Variants in FIZ1 observed in about 807,000 individuals in gnomAD.
FIZ1 encodes flt3-interacting zinc finger protein 1.
Under a neutral mutation model 5.3 loss-of-function variants are expected in FIZ1, and 2 were observed. The ratio of observed to expected loss-of-function variants is 0.37; its 90% confidence interval spans 0.15 to 1.18. The LOEUF (loss-of-function observed/expected upper bound fraction) is 1.18, where lower values mean the gene tolerates loss of function less well. FIZ1 is among the 50% of genes most tolerant of loss of function. The pLI is 0.37. For missense variants in FIZ1, 631 were observed against 749.7 expected (o/e 0.84, Z 1.85); for synonymous variants, 407 against 364.2 (o/e 1.12, Z -1.34).
At position 55,592,272 on chromosome 19, in the gene FIZ1, C is replaced by T. The variant is rs1292095723; in HGVS notation, c.*178G>A. On this transcript the variant is annotated 3_prime_UTR_variant, in exon 3 of 3. Coordinates refer to ENST00000221665, the MANE Select transcript of FIZ1 (RefSeq NM_032836.3). The surrounding 1 kb of genome is among the most constrained non-coding windows in gnomAD (Gnocchi z 6.9). ...CCTGTTTGTTTGTGGTCCCCCAGCT[C>T]CGGGGCCTTTGTGGGTTTTTGGTGG... The T allele has an allele frequency of 1.5e-6, 1 of 664,244 alleles. No individual in the cohort carries two copies. The highest frequency in any genetic ancestry group is 1.8e-5 in the African/African-American group (1 of 54,064). 41.1% of individuals were successfully genotyped at this position (664,244 alleles called of 1,614,324 possible).
chr19:55,594,524 C>T (rs1464009269), intron 2 of FIZ1, among the ~76,000 whole-genome samples: 3 of 151,466 alleles, frequency 2.0e-5, no homozygotes, highest in Admixed American at 6.6e-5. Flanking sequence ...GGTGAAACCC[C>T]GTCTCTACTA....
chr19:55,593,442 C>G lies in FIZ1; in HGVS notation c.499G>C (p.Gly167Arg). The G allele has an allele frequency of 6.5e-7, 1 of 1,537,702 alleles. No individual in the cohort carries two copies. Among genetic ancestry groups the G allele is most frequent in the Non-Finnish European group, 8.7e-7 (1 of 1,142,904 alleles). Residue 167 changes from glycine to arginine, a missense_variant, in exon 3 of 3, where the codon GGG becomes CGG. Transcript: ENST00000221665. This position sits in a 1 kb window ranked among gnomAD's most constrained non-coding sequence, Gnocchi z 6.3. ...VGPCSVCGGS[G>R]AGGGEGPEGA... is the part of the protein sequence containing the mutation. ...TCGGGGCCCTCTCCGCCGCCGGCCC[C>G]TGAGCCCCCGCACACCGAGCAGGGC...
rs747522877 is a variant in FIZ1, at chr19:55,593,425, C to T, written c.516G>A (p.Glu172=). 2 of 1,517,178 alleles carry T rather than the reference C, an allele frequency of 1.3e-6. No homozygotes were observed. Among genetic ancestry groups the T allele is most frequent in the South Asian group, 1.2e-5 (1 of 80,486 alleles). 94.0% of individuals were successfully genotyped at this position (1,517,178 alleles called of 1,614,324 possible). The change falls in exon 3 of 3, where the codon GAG becomes GAA. Residue 172 remains glutamate, a synonymous_variant. Transcript: ENST00000221665. The surrounding 1 kb of genome is among the most constrained non-coding windows in gnomAD (Gnocchi z 6.3). ...VCGGSGAGGG[E]GPEGAGAGLG... is the part of the protein sequence containing the mutation. ...GACCCGCGCCTGCCCCCTCGGGGCCCTCTCCGCCGCCGGCCCCTGAGCCCC... is the reference window on the plus strand; with the variant it reads ...GACCCGCGCCTGCCCCCTCGGGGCCTTCTCCGCCGCCGGCCCCTGAGCCCC...
At chr19:55,598,120 T>G (rs1980424155) in intron 1 of FIZ1, 3 of 582,224 alleles carry the variant, frequency 5.2e-6, no homozygotes, top group South Asian at 4.5e-5. Flanking sequence ...CACTTCATAG[T>G]CTCCTCACTC....
rs1980522886 is a variant in FIZ1, at chr19:55,599,481, T to G, written c.-44A>C. 1 of 152,222 alleles carries G rather than the reference T, an allele frequency of 6.6e-6. No individual in the cohort carries two copies. The highest frequency in any genetic ancestry group is 2.1e-4 in the South Asian group (1 of 4,854). The allele number at this position is 152,222 out of a possible 1,614,324, so 9.4% of individuals were successfully genotyped here. ...TCCTCTTTAATTACTTACACCTCCC[T>G]CTGGGCGCCGACATTTTGGGCAGCG... On this transcript the variant is annotated 5_prime_UTR_variant, in exon 1 of 3. Coordinates refer to ENST00000221665, the MANE Select transcript of FIZ1 (RefSeq NM_032836.3).
intron 1 of FIZ1, 176 bp from the exon 2 acceptor site, chr19:55,598,077 G>A (rs1409478925): frequency 2.6e-6 from 2 of 755,304 alleles, no homozygotes; most frequent in African/African-American, 3.5e-5. Context: ...CCCTTCTCTC[G>A]CGGCTCCACG....
At chr19:55,594,017 GT>G (rs1356183501) in intron 2 of FIZ1, among the ~76,000 whole-genome samples, 3 of 151,572 alleles carry the variant, frequency 2.0e-5, no homozygotes, top group Non-Finnish European at 4.4e-5. Context: ...GAGCCAAGAA[GT>G]TTGAGGCTGC....
intron 2 of FIZ1, among the ~76,000 whole-genome samples, chr19:55,596,272 C>T (rs368288176): frequency 6.6e-6 from 1 of 152,048 alleles, no homozygotes; most frequent in Non-Finnish European, 1.5e-5. Flanking sequence ...CTGAGAAAGC[C>T]GGGGCCAACA....
At position 55,592,689 on chromosome 19, in the gene FIZ1, C is replaced by T; in HGVS notation, c.1252G>A (p.Glu418Lys). The change falls in exon 3 of 3, where the codon GAG becomes AAG. Residue 418 changes from glutamate to lysine, a missense_variant. Transcript: ENST00000221665. This position sits in a 1 kb window ranked among gnomAD's most constrained non-coding sequence, Gnocchi z 6.9. The part of the protein sequence containing the change: ...GRGKKIFGCS[E>K]CEKLFRSPRD... ...GGTGAGCGGAACAGCTTCTCGCACT[C>T]GGAGCAGCCGAAGATCTTCTTGCCG... The T allele has an allele frequency of 1.2e-6, 2 of 1,613,170 alleles. No homozygotes were observed. The highest frequency in any genetic ancestry group is 1.7e-6 in the Non-Finnish European group (2 of 1,179,866).
rs1239700861 is a variant in FIZ1, at chr19:55,593,089, GTCGCCCGCCTCCGCAGCGGTGCCT to G, written c.828_851del (p.Glu276_Gly283del). 3.0e-6 allele frequency: 4 copies of G among 1,333,382 alleles called. No individual in the cohort carries two copies. The highest frequency in any genetic ancestry group is 3.8e-6 in the Non-Finnish European group (4 of 1,048,000). 82.6% of individuals were successfully genotyped at this position (1,333,382 alleles called of 1,614,324 possible). A position where few individuals can be genotyped will look rare whatever the true frequency, so the allele number is the denominator to read the frequency against. ...GCCTGCGGTCCGAAGCCAGAGGAGC[GTCGCCCGCCTCCGCAGCGGTGCCT>G]TCGCCCGCCGTCTCGGGCCCTGCGC... On this transcript the variant is annotated inframe_deletion, in exon 3 of 3. Transcript: ENST00000221665. The surrounding 1 kb of genome is among the most constrained non-coding windows in gnomAD (Gnocchi z 6.3).
At position 55,592,161 on chromosome 19, in the gene FIZ1, G is replaced by T. The variant is rs1361140616; in HGVS notation, c.*289C>A. 1 of 455,162 alleles carries T rather than the reference G, an allele frequency of 2.2e-6. No individual in the cohort carries two copies. The highest frequency in any genetic ancestry group is 3.6e-5 in the East Asian group (1 of 27,832). 28.2% of individuals were successfully genotyped at this position (455,162 alleles called of 1,614,324 possible). Reference sequence around the variant, plus strand: ...CACTGCAAAGTCCCCATGTCTTGGGGACTTACGGCTACCCACACTCATTCC... The same window carrying T: ...CACTGCAAAGTCCCCATGTCTTGGGTACTTACGGCTACCCACACTCATTCC... On this transcript the variant is annotated 3_prime_UTR_variant, in exon 3 of 3. Transcript: ENST00000221665. This position sits in a 1 kb window ranked among gnomAD's most constrained non-coding sequence, Gnocchi z 6.9.
rs1351959281 is a variant in FIZ1, at chr19:55,592,099, C to A, written c.*351G>T. Reference sequence around the variant, plus strand: ...GGGTGCCCATCTTTTAGTATTAGGGCTCTCAAGATGAGAGGTACTTGTGGA... The same window carrying A: ...GGGTGCCCATCTTTTAGTATTAGGGATCTCAAGATGAGAGGTACTTGTGGA... On this transcript the variant is annotated 3_prime_UTR_variant, in exon 3 of 3. Transcript: ENST00000221665. The surrounding 1 kb of genome is among the most constrained non-coding windows in gnomAD (Gnocchi z 6.9). The A allele has an allele frequency of 7.7e-6, 2 of 260,970 alleles. No homozygotes were observed. The highest frequency in any genetic ancestry group is 2.2e-5 in the African/African-American group (1 of 45,048). The allele number at this position is 260,970 out of a possible 1,614,324, so 16.2% of individuals were successfully genotyped here. A position where few individuals can be genotyped will look rare whatever the true frequency, so the allele number is the denominator to read the frequency against.
chr19:55,597,910 G>C lies in FIZ1; in HGVS notation c.-36-9C>G, dbSNP rs1343002905. On this transcript the variant is annotated splice_polypyrimidine_tract_variant and intron_variant, in intron 1 of 2. Coordinates refer to ENST00000221665, the MANE Select transcript of FIZ1 (RefSeq NM_032836.3). ...GTATGTGGGGGCTCTCTCTGGAGTA[G>C]TGGGGAGACAGAGGAGCAGGTGAGG... 2.6e-6 allele frequency: 4 copies of C among 1,519,214 alleles called. No individual in the cohort carries two copies. The Admixed American group carries it at 6.0e-5, about 23-fold the overall frequency. 94.1% of individuals were successfully genotyped at this position (1,519,214 alleles called of 1,614,324 possible). A position where few individuals can be genotyped will look rare whatever the true frequency, so the allele number is the denominator to read the frequency against.
chr19:55,599,141 TCCACTC>T (rs2123564623), intron 1 of FIZ1: 1 of 152,350 alleles, frequency 6.6e-6, no homozygotes, highest in South Asian at 2.0e-4. Flanking sequence ...CCCTCCCACT[TCCACTC>T]TAAGCTCCGC....
intron 2 of FIZ1, among the ~76,000 whole-genome samples, chr19:55,596,304 C>T (rs769046234): frequency 2.2e-4 from 33 of 151,926 alleles, no homozygotes; most frequent in Non-Finnish European, 3.7e-4. Context: ...AAGTCCTGAA[C>T]CAAGGCAGAT....
In FIZ1 at chr19:55,595,963, G is replaced by C. The variant is rs1011133052; in HGVS notation, c.294+1609C>G. On this transcript the variant is annotated intron_variant, in intron 2 of 2. Coordinates refer to ENST00000221665, the MANE Select transcript of FIZ1 (RefSeq NM_032836.3). ...TGTTCAGTTCACATCTCCCACATTT[G>C]ACTCGAGGCCATACAAAGGGTGGAC... Among the ~76,000 whole-genome samples the C allele has an allele frequency of 2.4e-4, 37 of 152,150 alleles. 1 individual carries two copies. The highest frequency in any genetic ancestry group is 1.5e-5 in the Non-Finnish European group (1 of 68,034).
chr19:55,592,644 C>T lies in FIZ1; in HGVS notation c.1297G>A (p.Val433Met). The change falls in exon 3 of 3, where the codon GTG becomes ATG. Residue 433 changes from valine to methionine, a missense_variant. This residue lies in a region of FIZ1 where 61 missense variants were observed against 96.9 expected (regional missense o/e 0.63). Coordinates refer to ENST00000221665, the MANE Select transcript of FIZ1 (RefSeq NM_032836.3). The surrounding 1 kb of genome is among the most constrained non-coding windows in gnomAD (Gnocchi z 6.9). ...GGCTTCTCGCCAGTGTGCACCAGCA[C>T]GTGCCGCTCCAGGTCTCGCGGTGAG... is the stretch of plus-strand genomic sequence containing the variant. Reference protein sequence around the residue: ...FRSPRDLERHVLVHTGEKPFP... With the variant: ...FRSPRDLERHMLVHTGEKPFP... 1.2e-6 allele frequency: 2 copies of T among 1,613,514 alleles called. No individual in the cohort carries two copies. Among genetic ancestry groups the T allele is most frequent in the South Asian group, 1.1e-5 (1 of 91,084 alleles).
chr19:55,597,446 C>T (rs1980380054), intron 2 of FIZ1, 126 bp downstream of exon 2: 2 of 1,433,974 alleles, frequency 1.4e-6, no homozygotes, highest in Non-Finnish European at 1.8e-6. Context: ...GGGACATTTT[C>T]TAATGGGAGG....
At chr19:55,598,641 T>C (rs1980455714) in intron 1 of FIZ1, 1 of 152,210 alleles carries the variant, frequency 6.6e-6, no homozygotes, top group Non-Finnish European at 1.5e-5. Context: ...CCTTAAGTCC[T>C]ACCATGATTG....
Sources: allele counts gnomAD v4.1 joint callset (sites outside exome capture counted in the v4.1 genomes callset), GRCh38; gene constraint gnomAD v4.1.1; regional missense constraint gnomAD v4.1.1; non-coding constraint Gnocchi (gnomAD v3.1); transcripts MANE v1.5; gene names NCBI Gene and HGNC (gene_info 2026-07-23, HGNC 2026-07-21).